The following THAP7 variants were observed in gnomAD, a reference collection of about 807,000 sequenced individuals.
THAP7 encodes THAP domain containing 7.
THAP7 carries 22 observed loss-of-function variants against 29.2 expected under a neutral mutation model. The ratio of observed to expected loss-of-function variants is 0.75; its 90% CI spans 0.54 to 1.08. THAP7 has a LOEUF of 1.08. Ranked by LOEUF, THAP7 falls within the 50% of genes least tolerant of loss-of-function variation. The pLI is 0.00. For synonymous variants in THAP7, 208 were observed against 173.4 expected (o/e 1.20, Z -1.57); for missense variants, 448 against 416.2 (o/e 1.08, Z -0.66).
At chr22:21,000,886 G>T in intron 2 of THAP7, 99 bp from the exon 3 acceptor site, 1 of 1,556,126 alleles carries the variant, frequency 6.4e-7, no homozygotes, top group Non-Finnish European at 8.8e-7. Context: ...GGAAGGCATC[G>T]TGCAAACAAT....
intron 1 of THAP7, 154 bp downstream of exon 1, chr22:21,001,678 T>C: frequency 1.1e-6 from 1 of 951,138 alleles, no homozygotes; most frequent in South Asian, 1.8e-5. Flanking sequence ...CCGACTGCAT[T>C]CAGTCCCGCC....
At chr22:21,000,864 C>CCGTGGGATGCTGGAAGGCAT (rs1925126259) in intron 2 of THAP7, 77 bp from the exon 3 acceptor site, 6 of 1,592,326 alleles carry the variant, frequency 3.8e-6, no homozygotes, top group Non-Finnish European at 5.1e-6. Context: ...AGCAGCAGCG[C>CCGTGGGATGCTGGAAGGCAT]CGTGGGATGC....
intron 1 of THAP7, 86 bp from the exon 2 acceptor site, chr22:21,001,497 C>T (rs2147976465): frequency 7.9e-6 from 12 of 1,515,040 alleles, no homozygotes; most frequent in East Asian, 2.3e-5. Flanking sequence ...AAACGCAGAC[C>T]CAACACGCGC....
chr22:21,001,691 G>A, intron 1 of THAP7, 141 bp downstream of exon 1: 1 of 1,044,388 alleles, frequency 9.6e-7, no homozygotes, highest in South Asian at 1.7e-5. Flanking sequence ...GTCCCGCCGG[G>A]ACCGTTCCGC....
At chr22:21,000,474 G>T (rs774175871) in intron 3 of THAP7, 42 bp from the exon 4 acceptor site, 2 of 1,536,674 alleles carry the variant, frequency 1.3e-6, no homozygotes. Context: ...TAGGCTGAGG[G>T]CTTGCCAGAC....
At chr22:21,001,127 T>C (rs1320788641) in intron 2 of THAP7, 129 bp downstream of exon 2, 2 of 1,378,682 alleles carry the variant, frequency 1.5e-6, no homozygotes, top group Admixed American at 4.1e-5. Flanking sequence ...GGTTTCACTG[T>C]GCAGAGCTGG....
intron 3 of THAP7, 39 bp downstream of exon 3, chr22:21,000,608 A>G (rs1224471852): frequency 6.2e-7 from 1 of 1,613,082 alleles, no homozygotes; most frequent in Non-Finnish European, 8.5e-7. Flanking sequence ...CCCTCAGCCT[A>G]GGGGTGGGAG....
intron 2 of THAP7, 117 bp from the exon 3 acceptor site, chr22:21,000,904 G>C: frequency 6.7e-7 from 1 of 1,497,166 alleles, no homozygotes; most frequent in South Asian, 1.2e-5. Flanking sequence ...AATACGTCTG[G>C]GGAACGCCAA....
rs773783187 is a variant in THAP7, at chr22:21,000,009, C to G, written c.801G>C (p.Arg267=). The change falls in exon 4 of 4, where the codon CGG becomes CGC. Residue 267 remains arginine (R), a synonymous_variant. Transcript: ENST00000215742. ...GCAGCTTGGTCAGTCTCAACCGCAGCCGCTGCTCCCGCCGCTTGCAGGCCT... is the reference window on the plus strand; with the variant it reads ...GCAGCTTGGTCAGTCTCAACCGCAGGCGCTGCTCCCGCCGCTTGCAGGCCT... ...QLQACKRREQ[R]LRLRLTKLQQ... is the part of the protein sequence containing the mutation. The G allele has an allele frequency of 1.4e-5, 22 of 1,612,568 alleles. No homozygotes were observed. In the South Asian group the frequency reaches 2.3e-4, roughly 17 times the overall value.
At position 21,001,326 on chromosome 22, in the gene THAP7, G is replaced by C; in HGVS notation, c.166C>G (p.Pro56Ala). 6.2e-7 allele frequency: 1 copy of C among 1,614,092 alleles called. No individual in the cohort carries two copies. The highest frequency in any genetic ancestry group is 8.5e-7 in the Non-Finnish European group (1 of 1,180,024). The change falls in exon 2 of 4, where the codon CCG (proline) becomes GCG (alanine). Residue 56 changes from proline to alanine, a missense_variant. Transcript: ENST00000215742. ...CAGAAGTAGATGTACTCGGATGCCGGGTCCCACAGGCCCTGGCCGCTGGGG... is the reference window on the plus strand; with the variant it reads ...CAGAAGTAGATGTACTCGGATGCCGCGTCCCACAGGCCCTGGCCGCTGGGG... ...LDPSGQGLWD[P>A]ASEYIYFCSK...
intron 1 of THAP7, 116 bp downstream of exon 1, chr22:21,001,716 A>G (rs1163630760): frequency 1.7e-6 from 2 of 1,177,270 alleles, no homozygotes; most frequent in Non-Finnish European, 2.3e-6. Flanking sequence ...CCTCCCACCC[A>G]CAGGTTCAAG....
chr22:21,001,729 T>C, intron 1 of THAP7, 103 bp downstream of exon 1: 1 of 1,269,074 alleles, frequency 7.9e-7, no homozygotes, highest in Non-Finnish European at 1.1e-6. Context: ...GGTTCAAGCC[T>C]CCTCAGTATC....
At chr22:21,000,968 G>A (rs1925130672) in intron 2 of THAP7, 181 bp from the exon 3 acceptor site, 2 of 1,027,998 alleles carry the variant, frequency 1.9e-6, no homozygotes, top group Non-Finnish European at 2.8e-6. Context: ...CCAGGTGTGT[G>A]GAAAGCCTGC....
At position 21,002,014 on chromosome 22, in the gene THAP7, G is replaced by A; in HGVS notation, c.-103C>T. On this transcript the variant is annotated 5_prime_UTR_variant, in exon 1 of 4. Coordinates refer to ENST00000215742, the MANE Select transcript of THAP7 (RefSeq NM_030573.3). ...CTCCCCAAGGGGCTCTGGCCTGTCG[G>A]GTCCCCCCCGGCCCGTTGTCGCCCC... 8.5e-6 allele frequency: 10 copies of A among 1,178,850 alleles called. No homozygotes were observed. In the South Asian group the frequency reaches 1.6e-4, roughly 19 times the overall value. 73.0% of individuals were successfully genotyped at this position (1,178,850 alleles called of 1,614,324 possible).
At chr22:21,001,581 GAGA>G (rs1925168964) in intron 1 of THAP7, 170 bp from the exon 2 acceptor site, 3 of 1,079,794 alleles carry the variant, frequency 2.8e-6, no homozygotes, top group Non-Finnish European at 3.9e-6. Context: ...CGGAGGCCTC[GAGA>G]AGAAAAGCAG....
intron 1 of THAP7, 175 bp downstream of exon 1, chr22:21,001,657 T>C (rs1925172691): frequency 1.1e-6 from 1 of 881,066 alleles, no homozygotes; most frequent in Non-Finnish European, 1.7e-6. Context: ...AGACTTCCCG[T>C]CCTCCCCTTC....
rs761483186 is a variant in THAP7 at position 20,999,875 on chromosome 22, GCC to G, written c.*3_*4del. 3 of 1,599,310 alleles carry G rather than the reference GCC, an allele frequency of 1.9e-6. No homozygotes were observed. Among genetic ancestry groups the G allele is most frequent in the Non-Finnish European group, 2.6e-6 (3 of 1,175,708 alleles). ...GGGCAGCCCCTCGGTCAGTCCAGCA[GCC>G]CCTCAGGCCATGCTGCTGCTCAGCT... On this transcript the variant is annotated 3_prime_UTR_variant, in exon 4 of 4. Transcript: ENST00000215742.
intron 2 of THAP7, 21 bp from the exon 3 acceptor site, chr22:21,000,808 G>A (rs1392501668): frequency 6.2e-7 from 1 of 1,613,498 alleles, no homozygotes; most frequent in Non-Finnish European, 8.5e-7. Context: ...AAGCAACCCA[G>A]ATGAGCTGGA....
Position 20,999,862 on chromosome 22 carries a change from G to A in THAP7, c.*18C>T, listed in dbSNP as rs186210017. 9.5e-4 allele frequency: 1,509 copies of A among 1,589,484 alleles called. 6 individuals are homozygous for A. Among genetic ancestry groups the A allele is most frequent in the African/African-American group, 7.2e-3 (541 of 74,700 alleles). On this transcript the variant is annotated 3_prime_UTR_variant, in exon 4 of 4. Transcript: ENST00000215742. ...CTGCAGTCTTGCTGGGCAGCCCCTC[G>A]GTCAGTCCAGCAGCCCCTCAGGCCA...
Sources: gnomAD v4.1 joint callset for allele counts on GRCh38, gnomAD v4.1.1 for gene constraint, MANE v1.5 for transcripts, NCBI Gene and HGNC (gene_info 2026-07-23, HGNC 2026-07-21) for gene names.